Variants in ERICH6 observed in about 807,000 individuals in gnomAD.
ERICH6 encodes the protein glutamate-rich protein 6.
In ERICH6, 71 loss-of-function variants were observed where a neutral mutation model predicts 71.0. The observed-to-expected ratio is 1.00, with a 90% CI of 0.83 to 1.22. The LOEUF (loss-of-function observed/expected upper bound fraction) is 1.22, where lower values mean the gene tolerates loss of function less well. Among genes scored for constraint, ERICH6 ranks in the 50% most tolerant of loss-of-function variants. The probability of loss-of-function intolerance (pLI) is 0.00; values close to 1 mark genes in which losing one functional copy is unlikely to be tolerated. For synonymous variants in ERICH6, 262 were observed against 278.4 expected (o/e 0.94, Z 0.59); for missense variants, 808 against 797.2 (o/e 1.01, Z -0.16).
In ERICH6 at chr3:150,669,300, C is replaced by A. The variant is rs773001250; in HGVS notation, c.1495G>T (p.Val499Phe). ...RSSCYHPNGNVWVYINILGGQ... is the reference protein window; with the variant it reads ...RSSCYHPNGNFWVYINILGGQ... ...AGCAGGAACCTAGAAGCTTACCAGA[C>A]ATTTCCATTGGGATGATAGCAGGAA... The change falls in exon 12 of 14, where the codon GTC becomes TTC. Residue 499 changes from valine to phenylalanine, a missense_variant. Val to Phe is a conservative substitution (Grantham distance 50, BLOSUM62 -1). Around this residue, in one of 3 missense-constraint regions of ERICH6, gnomAD observed 736 missense variants for 712.2 expected, o/e 1.03. Coordinates refer to ENST00000295910, the MANE Select transcript of ERICH6 (RefSeq NM_152394.5). The A allele has an allele frequency of 4.4e-6, 7 of 1,599,168 alleles. No homozygotes were observed. In the Admixed American group the frequency reaches 1.2e-4, roughly 28 times the overall value.
intron 3 of ERICH6, among the ~76,000 whole-genome samples, chr3:150,688,757 G>A (rs1337541430): frequency 1.3e-5 from 2 of 152,144 alleles, no homozygotes; most frequent in Non-Finnish European, 2.9e-5. Context: ...TCCCGGCTTT[G>A]AGTTGTCCCG....
chr3:150,662,089 G>A (rs1310823067), intron 13 of ERICH6, among the ~76,000 whole-genome samples: 2 of 152,106 alleles, frequency 1.3e-5, no homozygotes, highest in Non-Finnish European at 2.9e-5. Context: ...TTAAGGTAAA[G>A]GCCACTAAAA....
chr3:150,688,045 G>A (rs759513434), intron 3 of ERICH6, among the ~76,000 whole-genome samples: 52 of 152,160 alleles, frequency 3.4e-4, no homozygotes, highest in Non-Finnish European at 1.2e-4. Flanking sequence ...GCTGGAGCAG[G>A]AGGTTGAGGC....
At chr3:150,669,197 T>A in intron 12 of ERICH6, 99 bp downstream of exon 12, 1 of 1,320,120 alleles carries the variant, frequency 7.6e-7, no homozygotes, top group Non-Finnish European at 1.0e-6. Context: ...CTAACTTAAA[T>A]AAATCTTCTG....
intron 2 of ERICH6, among the ~76,000 whole-genome samples, chr3:150,700,239 TAA>T (rs1381359212): frequency 2.1e-3 from 268 of 128,728 alleles, no homozygotes; most frequent in African/African-American, 8.0e-3. Context: ...CATGCCCGGC[TAA>T]TTTTTTTTTT....
At chr3:150,686,122 C>T in intron 4 of ERICH6, 101 bp from the exon 5 acceptor site, 6 of 1,215,762 alleles carry the variant, frequency 4.9e-6, no homozygotes, top group Non-Finnish European at 6.1e-6. Flanking sequence ...ATCCTCCTTG[C>T]CCAGCACGCA....
Position 150,699,125 on chromosome 3 carries a change from G to C in ERICH6, c.462-243C>G, listed in dbSNP as rs1238233674. Among the ~76,000 whole-genome samples the C allele has an allele frequency of 2.0e-5, 3 of 152,084 alleles. No homozygotes were observed. In the East Asian group the frequency reaches 5.8e-4, roughly 29 times the overall value. On this transcript the variant is annotated intron_variant, in intron 2 of 13. Transcript: ENST00000295910. ...CAGGAGTTCAAGACCAGCCTAGGCAGCATGGTGAGACCCTATCTCTATAAA... is the reference window on the plus strand; with the variant it reads ...CAGGAGTTCAAGACCAGCCTAGGCACCATGGTGAGACCCTATCTCTATAAA...
Position 150,680,813 on chromosome 3 carries a change from C to T in ERICH6, c.1000G>A (p.Glu334Lys), listed in dbSNP as rs1423110201. The change falls in exon 8 of 14, where the codon GAG (glutamate) becomes AAG (lysine). Residue 334 changes from glutamate (E) to lysine (K), a missense_variant. This residue lies in a region of ERICH6 where 736 missense variants were observed against 712.2 expected (regional missense o/e 1.03). Coordinates refer to ENST00000295910, the MANE Select transcript of ERICH6 (RefSeq NM_152394.5). ...TCTTTTGCCTTGAGTCTGTCGACCT[C>T]ACTACCATGGGCTGCATGAGGGTCA... ...AIDPHAAHGSEVDRLKAKEKA... is the reference protein window; with the variant it reads ...AIDPHAAHGSKVDRLKAKEKA... 1.2e-6 allele frequency: 2 copies of T among 1,612,858 alleles called. No homozygotes were observed. The highest frequency in any genetic ancestry group is 1.7e-6 in the Non-Finnish European group (2 of 1,179,794).
At chr3:150,697,631 G>A (rs1365295360) in intron 3 of ERICH6, among the ~76,000 whole-genome samples, 1 of 152,036 alleles carries the variant, frequency 6.6e-6, no homozygotes, top group Non-Finnish European at 1.5e-5. Context: ...TGGTATCTAG[G>A]ACACTTCCTG....
chr3:150,702,889 A>AGTGTGTGTGTGTGTGTGTGT (rs10663390), intron 1 of ERICH6, among the ~76,000 whole-genome samples: 1 of 113,420 alleles, frequency 8.8e-6, no homozygotes, highest in African/African-American at 3.4e-5. Context: ...AAATAATATG[A>AGTGTGTGTGTGTGTGTGTGT]GTGTGTGTGT....
intron 13 of ERICH6, among the ~76,000 whole-genome samples, chr3:150,665,525 A>AAAAAAG (rs1374791976): frequency 2.0e-5 from 3 of 150,258 alleles, no homozygotes; most frequent in Non-Finnish European, 4.4e-5. Flanking sequence ...CAAAAAAAAA[A>AAAAAAG]AAAAAAAATC....
At chr3:150,684,933 G>T (rs1232867992) in intron 6 of ERICH6, among the ~76,000 whole-genome samples, 2 of 151,984 alleles carry the variant, frequency 1.3e-5, no homozygotes, top group African/African-American at 4.8e-5. Flanking sequence ...GAGCCCAGGA[G>T]GTTGAGACTG....
At chr3:150,701,063 TA>T (rs1559922869) in intron 2 of ERICH6, among the ~76,000 whole-genome samples, 1 of 152,258 alleles carries the variant, frequency 6.6e-6, no homozygotes, top group Non-Finnish European at 1.5e-5. Context: ...ACAAGCATAA[TA>T]AAGCTTGGAA....
At chr3:150,671,103 T>A (rs1370651132) in intron 11 of ERICH6, among the ~76,000 whole-genome samples, 1 of 152,160 alleles carries the variant, frequency 6.6e-6, no homozygotes. Context: ...CTAAAAACTT[T>A]AAAAAAATTT....
At chr3:150,702,681 C>T (rs925677832) in intron 1 of ERICH6, among the ~76,000 whole-genome samples, 1 of 152,018 alleles carries the variant, frequency 6.6e-6, no homozygotes, top group African/African-American at 2.4e-5. Flanking sequence ...AGTCCCCAAT[C>T]CTCCCCAACA....
chr3:150,671,921 T>A (rs1274231534), intron 11 of ERICH6, among the ~76,000 whole-genome samples: 1 of 152,194 alleles, frequency 6.6e-6, no homozygotes, highest in Non-Finnish European at 1.5e-5. Context: ...TGGGTCACCA[T>A]GCCCAGCCTC....
rs191168787 is a variant in ERICH6, at chr3:150,691,589, C to A, written c.554-5235G>T. 8.6e-5 allele frequency among the ~76,000 whole-genome samples: 13 copies of A among 151,948 alleles called. No homozygotes were observed. In the East Asian group the frequency reaches 2.5e-3, roughly 29 times the overall value. On this transcript the variant is annotated intron_variant, in intron 3 of 13. Transcript: ENST00000295910. ...AGAGAAAGGGATGTTCAGGACAAAC[C>A]AGAAAGTCCAATCATGTCATGAATG...
At chr3:150,702,203 C>T in intron 1 of ERICH6, 25 bp from the exon 2 acceptor site, 2 of 1,490,536 alleles carry the variant, frequency 1.3e-6, no homozygotes, top group Non-Finnish European at 1.8e-6. Flanking sequence ...ATTTAAAAAT[C>T]AGCTATTCCC....
Position 150,661,140 on chromosome 3 carries a change from C to T in ERICH6, c.1729-985G>A, listed in dbSNP as rs1727210400. Among the ~76,000 whole-genome samples, 4 of 152,072 alleles carry T rather than the reference C, an allele frequency of 2.6e-5. 1 individual carries two copies. The South Asian group carries it at 8.3e-4, about 32-fold the overall frequency. Reference sequence around the variant, plus strand: ...ATCGGCAGGATAATTTTAAGGAATTCCTGAAAAATCAAAAAGCAGATGAGA... The same window carrying T: ...ATCGGCAGGATAATTTTAAGGAATTTCTGAAAAATCAAAAAGCAGATGAGA... On this transcript the variant is annotated intron_variant, in intron 13 of 13. Transcript: ENST00000295910.
Sources: gnomAD v4.1 joint callset for allele counts (sites outside exome capture counted in the v4.1 genomes callset) on GRCh38, gnomAD v4.1.1 for gene constraint, gnomAD v4.1.1 regional missense constraint, MANE v1.5 for transcripts, NCBI Gene and HGNC (gene_info 2026-07-23, HGNC 2026-07-21) for gene names.